Variants in P4HTM observed in about 807,000 individuals in gnomAD.
The protein encoded by P4HTM is prolyl 4-hydroxylase, transmembrane.
A neutral mutation model predicts 55.3 loss-of-function variants in P4HTM; 33 were observed. That is an observed-to-expected ratio of 0.60 (90% CI 0.45 to 0.80). The LOEUF (loss-of-function observed/expected upper bound fraction) is 0.80. Ranked by LOEUF, P4HTM falls within the 30% of genes least tolerant of loss-of-function variation. The probability of loss-of-function intolerance (pLI) is 0.00; values close to 1 mark genes in which losing one functional copy is unlikely to be tolerated. For synonymous variants in P4HTM, 272 were observed against 286.4 expected, an observed-to-expected ratio of 0.95 and a Z score of 0.51; for missense variants, 542 against 696.5, an observed-to-expected ratio of 0.78 and a Z score of 2.50.
intron 6 of P4HTM, 196 bp downstream of exon 6, chr3:49,005,242 G>A (rs534698994): frequency 8.5e-6 from 13 of 1,520,560 alleles, no homozygotes; most frequent in East Asian, 2.3e-5. Flanking sequence ...ACTGGTCATC[G>A]TGACCACTGG....
chr3:48,996,955 A>G (rs1215794492), intron 2 of P4HTM, among the ~76,000 whole-genome samples: 1 of 152,170 alleles, frequency 6.6e-6, no homozygotes, highest in Non-Finnish European at 1.5e-5. Context: ...CCTACCCAGC[A>G]TAGACAGCTG....
intron 6 of P4HTM, chr3:49,005,520 C>A: frequency 7.4e-7 from 1 of 1,349,148 alleles, no homozygotes; most frequent in East Asian, 2.8e-5. Flanking sequence ...CCCTGCCAGG[C>A]CCTTGCTCAG....
At chr3:49,000,768 G>T (rs1006099975) in intron 2 of P4HTM, among the ~76,000 whole-genome samples, 2 of 152,222 alleles carry the variant, frequency 1.3e-5, no homozygotes, top group African/African-American at 4.8e-5. Flanking sequence ...ACTCAGGGGT[G>T]TAGAGGCATA....
intron 2 of P4HTM, chr3:48,998,259 T>C (rs910335595): frequency 3.9e-5 from 6 of 152,302 alleles, no homozygotes; most frequent in Non-Finnish European, 5.9e-5. Context: ...GCGTCCACAA[T>C]GCAGGATGGC....
chr3:48,998,933 A>C (rs191526614), intron 2 of P4HTM, among the ~76,000 whole-genome samples: 20 of 152,236 alleles, frequency 1.3e-4, no homozygotes, highest in African/African-American at 4.6e-4. Flanking sequence ...TTGGACAGAC[A>C]TAGCTTCCAC....
chr3:49,006,930 C>T lies in P4HTM; in HGVS notation c.*23C>T. 6.3e-7 allele frequency: 1 copy of T among 1,589,786 alleles called. No homozygotes were observed. Among genetic ancestry groups the T allele is most frequent in the Non-Finnish European group, 8.6e-7 (1 of 1,165,270 alleles). The stretch of plus-strand genomic sequence containing the variant: ...TGAGGGAAGAGTTAGCCCCGGTTCC[C>T]AGCCGCGGGTCGCCAGTTGCCCAAG... On this transcript the variant is annotated 3_prime_UTR_variant, in exon 9 of 9. Coordinates refer to ENST00000383729, the MANE Select transcript of P4HTM (RefSeq NM_177939.3).
chr3:48,990,700 C>A lies in P4HTM; in HGVS notation c.354+90C>A. On this transcript the variant is annotated intron_variant, in intron 1 of 8. Transcript: ENST00000383729. The surrounding 1 kb of genome is among the most constrained non-coding windows in gnomAD (Gnocchi z 7.2). ...TCAGCCCGGGTCCCCACGCTGCCCC[C>A]GGCGCTGCTCTGCGTCGGTCCCGCG... 6.9e-7 allele frequency: 1 copy of A among 1,454,488 alleles called. No individual in the cohort carries two copies. The highest frequency in any genetic ancestry group is 9.2e-7 in the Non-Finnish European group (1 of 1,090,466). The allele number at this position is 1,454,488 out of a possible 1,614,324, so 90.1% of individuals were successfully genotyped here.
Position 48,990,794 on chromosome 3 carries a change from T to G in P4HTM, c.355-39T>G, listed in dbSNP as rs989185604. ...ACTTGGCCCTTCTTGGGCAGCGCGGTCTGGCGCCCCAGCTGCCCGCTGTGC... is the reference window on the plus strand; with the variant it reads ...ACTTGGCCCTTCTTGGGCAGCGCGGGCTGGCGCCCCAGCTGCCCGCTGTGC... On this transcript the variant is annotated intron_variant, in intron 1 of 8. Transcript: ENST00000383729. This position sits in a 1 kb window ranked among gnomAD's most constrained non-coding sequence, Gnocchi z 7.2. 1 of 1,594,682 alleles carries G rather than the reference T, an allele frequency of 6.3e-7. No homozygotes were observed. The highest frequency in any genetic ancestry group is 8.6e-7 in the Non-Finnish European group (1 of 1,164,124).
intron 2 of P4HTM, chr3:48,992,321 C>G (rs2092933155): frequency 6.6e-6 from 1 of 151,836 alleles, no homozygotes; most frequent in Non-Finnish European, 1.5e-5. Flanking sequence ...AAATAGCAGA[C>G]AGGGCCGGGC....
chr3:48,993,162 C>T (rs1226601374), intron 2 of P4HTM, among the ~76,000 whole-genome samples: 3 of 151,820 alleles, frequency 2.0e-5, no homozygotes, highest in African/African-American at 7.3e-5. Context: ...ATTAGCAGGG[C>T]GTTGTGGCAC....
chr3:49,006,069 G>T lies in P4HTM; in HGVS notation c.1170G>T (p.Leu390=). ...CACCACCCTGCTGCCCACAGAGTCT[G>T]ATTCAGGATGACGTGGACCTCCGTG... is the stretch of plus-strand genomic sequence containing the variant. ...ADNRTYDEMS[L]IQDDVDLRDT... is the part of the protein sequence containing the mutation. The change falls in exon 8 of 9, where the codon CTG becomes CTT. Residue 390 remains leucine (L), a synonymous_variant. Coordinates refer to ENST00000383729, the MANE Select transcript of P4HTM (RefSeq NM_177939.3). The T allele has an allele frequency of 1.2e-6, 2 of 1,612,282 alleles. No homozygotes were observed. Among genetic ancestry groups the T allele is most frequent in the South Asian group, 2.2e-5 (2 of 90,994 alleles).
chr3:48,992,665 T>A (rs1490232422), intron 2 of P4HTM, among the ~76,000 whole-genome samples: 2 of 141,938 alleles, frequency 1.4e-5, no homozygotes, highest in Non-Finnish European at 3.1e-5. Context: ...TAGAACTCTT[T>A]TTTTTTTTTT....
At chr3:48,992,874 C>G (rs1446232002) in intron 2 of P4HTM, among the ~76,000 whole-genome samples, 3 of 151,454 alleles carry the variant, frequency 2.0e-5, no homozygotes, top group African/African-American at 7.3e-5. Flanking sequence ...ACCGTGTTAG[C>G]CAGGATGGTC....
At chr3:49,005,893 T>C (rs755105972) in intron 7 of P4HTM, 26 bp downstream of exon 7, 3 of 1,533,368 alleles carry the variant, frequency 2.0e-6, no homozygotes, top group East Asian at 2.3e-5. Flanking sequence ...GCTATTACTC[T>C]TGTGGGCTGG....
chr3:49,005,073 C>A, intron 6 of P4HTM, 27 bp downstream of exon 6: 1 of 1,613,898 alleles, frequency 6.2e-7, no homozygotes, highest in Non-Finnish European at 8.5e-7. Flanking sequence ...TGGGGGCTGC[C>A]TTCAATCCTC....
rs1440198753 is a variant in P4HTM at position 49,005,858 on chromosome 3, C to T, written c.1155C>T (p.Tyr385=). 19 of 1,548,582 alleles carry T rather than the reference C, an allele frequency of 1.2e-5. No homozygotes were observed. The highest frequency in any genetic ancestry group is 2.3e-5 in the East Asian group (1 of 44,210). Residue 385 remains tyrosine (Y), a synonymous_variant, in exon 7 of 9, where the codon TAC becomes TAT. Coordinates refer to ENST00000383729, the MANE Select transcript of P4HTM (RefSeq NM_177939.3). ...TCCCTGTAGCAGATAACAGAACCTA[C>T]GATGAAATGGTAAGGGTCAACTGGG... ...TVFPVADNRT[Y]DEMSLIQDDV... is the part of the protein sequence containing the mutation.
In P4HTM at chr3:48,990,720, C is replaced by T. The variant is rs1411536876; in HGVS notation, c.354+110C>T. The T allele has an allele frequency of 6.1e-6, 9 of 1,465,666 alleles. No homozygotes were observed. Among genetic ancestry groups the T allele is most frequent in the Middle Eastern group, 2.2e-4 (1 of 4,566 alleles). 90.8% of individuals were successfully genotyped at this position (1,465,666 alleles called of 1,614,324 possible). A position where few individuals can be genotyped will look rare whatever the true frequency, so the allele number is the denominator to read the frequency against. ...GCCCCCGGCGCTGCTCTGCGTCGGT[C>T]CCGCGCGCTCCCACTCACTCGCCTG... On this transcript the variant is annotated intron_variant, in intron 1 of 8. Coordinates refer to ENST00000383729, the MANE Select transcript of P4HTM (RefSeq NM_177939.3). The surrounding 1 kb of genome is among the most constrained non-coding windows in gnomAD (Gnocchi z 7.2).
intron 6 of P4HTM, 42 bp downstream of exon 6, chr3:49,005,088 C>T (rs1230176508): frequency 3.1e-6 from 5 of 1,613,608 alleles, no homozygotes; most frequent in Non-Finnish European, 4.2e-6. Flanking sequence ...ATCCTCAGAC[C>T]AGGAACACCC....
At position 49,002,805 on chromosome 3, in the gene P4HTM, A is replaced by T; in HGVS notation, c.724+209A>T. 1 of 664,850 alleles carries T rather than the reference A, an allele frequency of 1.5e-6. No individual in the cohort carries two copies. The highest frequency in any genetic ancestry group is 2.8e-6 in the Non-Finnish European group (1 of 362,106). 41.2% of individuals were successfully genotyped at this position (664,850 alleles called of 1,614,324 possible). ...GCCAGGCCCCCCGTTCCCCTTGGTG[A>T]TGGTCTCGAGGGCAGTTCTTGGAGA... is the stretch of plus-strand genomic sequence containing the variant. On this transcript the variant is annotated intron_variant, in intron 4 of 8. Coordinates refer to ENST00000383729, the MANE Select transcript of P4HTM (RefSeq NM_177939.3). This position sits in a 1 kb window ranked among gnomAD's most constrained non-coding sequence, Gnocchi z 4.4.
Sources: gnomAD v4.1 joint callset for allele counts (sites outside exome capture counted in the v4.1 genomes callset) on GRCh38, gnomAD v4.1.1 for gene constraint, Gnocchi (gnomAD v3.1) non-coding constraint, MANE v1.5 for transcripts, NCBI Gene and HGNC (gene_info 2026-07-23, HGNC 2026-07-21) for gene names.